The following F13A1 variants were observed in gnomAD, a reference collection of about 807,000 sequenced individuals.
F13A1 encodes FSF, A subunit.
In F13A1, 47 loss-of-function variants were observed where a neutral mutation model predicts 80.1. The ratio of observed to expected loss-of-function variants is 0.59; its 90% confidence interval spans 0.46 to 0.75. The LOEUF (loss-of-function observed/expected upper bound fraction) is 0.75, where lower values mean the gene tolerates loss of function less well. Among genes scored for constraint, F13A1 ranks in the 30% least tolerant of loss-of-function variants. The pLI is 0.00. For missense variants in F13A1, 817 were observed against 930.4 expected (o/e 0.88, Z 1.59); for synonymous variants, 349 against 344.9 (o/e 1.01, Z -0.13).
intron 6 of F13A1, among the ~76,000 whole-genome samples, chr6:6,237,084 C>A (rs867167964): frequency 6.6e-6 from 1 of 152,014 alleles, no homozygotes. Flanking sequence ...GCAGTCACCA[C>A]CTTTCTTTAA....
chr6:6,220,494 T>C (rs1009417482), intron 8 of F13A1, among the ~76,000 whole-genome samples: 3 of 152,032 alleles, frequency 2.0e-5, no homozygotes, highest in African/African-American at 7.2e-5. Flanking sequence ...GGTACCTGAA[T>C]CAAGGAGCTG....
intron 8 of F13A1, among the ~76,000 whole-genome samples, chr6:6,206,206 C>A (rs1761486078): frequency 6.6e-6 from 1 of 152,172 alleles, no homozygotes; most frequent in South Asian, 2.1e-4. Context: ...TATTCTACAG[C>A]TGATGGCTCT....
In F13A1 at chr6:6,151,858, T is replaced by C. The variant is rs755050356; in HGVS notation, c.2000A>G (p.His667Arg). Reference protein sequence around the residue: ...LKETLRNVWVHLDGPGVTRPM... With the variant: ...LKETLRNVWVRLDGPGVTRPM... The stretch of plus-strand genomic sequence containing the variant: ...TCTTGTTACTCCAGGACCATCCAGG[T>C]GTACCCAGACATTTCGCAGGGTTTC... Residue 667 changes from histidine (H) to arginine (R), a missense_variant, in exon 14 of 15, where the codon CAC becomes CGC. Physicochemically the swap from His to Arg is conservative, Grantham distance 29. Transcript: ENST00000264870. 4.3e-6 allele frequency: 7 copies of C among 1,614,108 alleles called. No homozygotes were observed. In the Admixed American group the frequency reaches 1.2e-4, roughly 27 times the overall value.
intron 2 of F13A1, among the ~76,000 whole-genome samples, chr6:6,311,022 C>T (rs1046486953): frequency 2.7e-5 from 4 of 146,422 alleles, no homozygotes; most frequent in African/African-American, 7.8e-5. Context: ...CCTCTTGATT[C>T]GCAGGAAACA....
At chr6:6,146,428 A>G (rs1018617292) in intron 14 of F13A1, among the ~76,000 whole-genome samples, 6 of 152,168 alleles carry the variant, frequency 3.9e-5, no homozygotes. Flanking sequence ...GGCTAATGAC[A>G]TAGCCTTTCA....
In F13A1 at chr6:6,313,984, C is replaced by CACTTTTTTTTTTTTTTTTTTTTTTTTTTT. The variant is rs374113663; in HGVS notation, c.130+4550_130+4551insAAAAAAAAAAAAAAAAAAAAAAAAAAAGT. Among the ~76,000 whole-genome samples, 6 of 139,310 alleles carry CACTTTTTTTTTTTTTTTTTTTTTTTTTTT rather than the reference C, an allele frequency of 4.3e-5. 2 individuals carry two copies. Among genetic ancestry groups the CACTTTTTTTTTTTTTTTTTTTTTTTTTTT allele is most frequent in the Non-Finnish European group, 6.1e-5 (4 of 65,948 alleles). 91.4% of individuals were successfully genotyped at this position (139,310 alleles called of 152,430 possible). On this transcript the variant is annotated intron_variant, in intron 2 of 14. Coordinates refer to ENST00000264870, the MANE Select transcript of F13A1 (RefSeq NM_000129.4). ...TCTCCTGTTCTCCATTTTCTCCTTA[C>CACTTTTTTTTTTTTTTTTTTTTTTTTTTT]TCTTTTTTTTTTTTGAAACGGAGTC...
chr6:6,163,341 A>T (rs1760605433), intron 13 of F13A1, among the ~76,000 whole-genome samples: 1 of 152,070 alleles, frequency 6.6e-6, no homozygotes, highest in Non-Finnish European at 1.5e-5. Context: ...TTTTTAAAAA[A>T]CCTTTTATTT....
At chr6:6,256,248 T>A (rs1176719851) in intron 4 of F13A1, among the ~76,000 whole-genome samples, 5 of 152,100 alleles carry the variant, frequency 3.3e-5, no homozygotes, top group Non-Finnish European at 7.4e-5. Flanking sequence ...TTGTGTGGAA[T>A]GTGGGAGCTG....
chr6:6,238,738 A>AT (rs1757447280), intron 6 of F13A1, among the ~76,000 whole-genome samples: 1 of 145,242 alleles, frequency 6.9e-6, no homozygotes, highest in African/African-American at 2.8e-5. Context: ...ATATATAGCC[A>AT]ATAAATGTAT....
At chr6:6,319,622 C>T (rs1460474437) in intron 1 of F13A1, among the ~76,000 whole-genome samples, 1 of 152,100 alleles carries the variant, frequency 6.6e-6, no homozygotes, top group Non-Finnish European at 1.5e-5. Flanking sequence ...CCTGGATTAC[C>T]CAGTCATGAC....
intron 3 of F13A1, among the ~76,000 whole-genome samples, chr6:6,288,354 TA>T (rs1758167114): frequency 1.3e-5 from 2 of 152,234 alleles, no homozygotes; most frequent in South Asian, 4.1e-4. Context: ...CAGCCTCTGG[TA>T]AACAACTTTC....
At chr6:6,209,883 GAA>G (rs1761571378) in intron 8 of F13A1, among the ~76,000 whole-genome samples, 1 of 152,116 alleles carries the variant, frequency 6.6e-6, no homozygotes, top group Non-Finnish European at 1.5e-5. Flanking sequence ...AGAGGGGAGA[GAA>G]AATGTTCTGG....
rs545855845 is a variant in F13A1, at chr6:6,151,654, C to G, written c.2045+159G>C. Among the ~76,000 whole-genome samples the G allele has an allele frequency of 2.0e-4, 30 of 152,274 alleles. 1 individual carries two copies. Among genetic ancestry groups the G allele is most frequent in the African/African-American group, 7.2e-4 (30 of 41,552 alleles). On this transcript the variant is annotated intron_variant, in intron 14 of 14. Transcript: ENST00000264870. ...GATGAAAGTGCTGGTCAAACCAACCCTAGTTTTACTCCACGCCCTACAGAA... is the reference window on the plus strand; with the variant it reads ...GATGAAAGTGCTGGTCAAACCAACCGTAGTTTTACTCCACGCCCTACAGAA...
chr6:6,166,659 C>A (rs1334846603), intron 13 of F13A1, among the ~76,000 whole-genome samples: 4 of 152,164 alleles, frequency 2.6e-5, no homozygotes, highest in African/African-American at 9.7e-5. Context: ...ACCACAGATG[C>A]CCCCAGAAGC....
intron 12 of F13A1, among the ~76,000 whole-genome samples, chr6:6,174,260 T>C (rs3024448): frequency 0.21 from 32,427 of 152,028 alleles, 3,615 homozygotes; most frequent in South Asian, 0.35. Context: ...CGTGGTGGCA[T>C]GTGCCTGTAA....
In F13A1 at chr6:6,144,259, G is replaced by A. The variant is rs890836871; in HGVS notation, c.*1360C>T. 1 of 152,142 alleles carries A rather than the reference G, an allele frequency of 6.6e-6. No individual in the cohort carries two copies. Among genetic ancestry groups the A allele is most frequent in the Non-Finnish European group, 1.5e-5 (1 of 68,028 alleles). The allele number at this position is 152,142 out of a possible 1,614,324, so 9.4% of individuals were successfully genotyped here. A position where few individuals can be genotyped will look rare whatever the true frequency, so the allele number is the denominator to read the frequency against. On this transcript the variant is annotated 3_prime_UTR_variant, in exon 15 of 15. Transcript: ENST00000264870. ...AAGTTAAGTATGATGTATATATAGA[G>A]GGGACCAGCTCACCCTCATAGGTTA...
intron 3 of F13A1, among the ~76,000 whole-genome samples, chr6:6,290,076 A>G (rs1350289634): frequency 6.6e-6 from 1 of 152,222 alleles, no homozygotes; most frequent in Admixed American, 6.5e-5. Context: ...TAATCCCAAT[A>G]TGGTGCTTTG....
At position 6,250,395 on chromosome 6, in the gene F13A1, A is replaced by G. The variant is rs1583094148; in HGVS notation, c.690+416T>C. 6.8e-6 allele frequency among the ~76,000 whole-genome samples: 1 copy of G among 147,700 alleles called. No homozygotes were observed. The highest frequency in any genetic ancestry group is 3.2e-3 in the Middle Eastern group (1 of 312). On this transcript the variant is annotated intron_variant, in intron 5 of 14. Coordinates refer to ENST00000264870, the MANE Select transcript of F13A1 (RefSeq NM_000129.4). The surrounding 1 kb of genome is among the most constrained non-coding windows in gnomAD (Gnocchi z 4.2). The stretch of plus-strand genomic sequence containing the variant: ...ATAACACTCTTTTCTAATTAGCAGT[A>G]CCCTAGGCTAACACTTAAAAAAAAA...
intron 10 of F13A1, among the ~76,000 whole-genome samples, chr6:6,184,367 T>C (rs1278163744): frequency 6.6e-6 from 1 of 152,216 alleles, no homozygotes; most frequent in Non-Finnish European, 1.5e-5. Flanking sequence ...GAGCCCCAGC[T>C]TGAGTGGTGA....
Sources: gnomAD v4.1 joint callset for allele counts (sites outside exome capture counted in the v4.1 genomes callset) on GRCh38, gnomAD v4.1.1 for gene constraint, Gnocchi (gnomAD v3.1) non-coding constraint, MANE v1.5 for transcripts, NCBI Gene and HGNC (gene_info 2026-07-23, HGNC 2026-07-21) for gene names.